Variants in WWOX observed in about 807,000 individuals in gnomAD.
WWOX encodes the protein WW domain containing oxidoreductase, also known as WW domain-containing oxidoreductase.
WWOX carries 69 observed loss-of-function variants against 46.2 expected under a neutral mutation model. That is an observed-to-expected ratio of 1.49 (90% CI 1.23 to 1.82). WWOX has a LOEUF of 1.82. Among genes scored for constraint, WWOX ranks in the 40% most tolerant of loss-of-function variants. The pLI, the probability that WWOX is intolerant of heterozygous loss-of-function variation, is 0.00. For synonymous variants in WWOX, 359 were observed against 202.6 expected, an observed-to-expected ratio of 1.77 and a Z score of -6.56; for missense variants, 919 against 542.6, an observed-to-expected ratio of 1.69 and a Z score of -6.89.
chr16:79,074,562 T>G (rs2048618655), intron 8 of WWOX, among the ~76,000 whole-genome samples: 1 of 151,824 alleles, frequency 6.6e-6, no homozygotes, highest in Non-Finnish European at 1.5e-5. Context: ...CACTCCTACT[T>G]GGAAATGGAG....
intron 8 of WWOX, among the ~76,000 whole-genome samples, chr16:79,160,897 A>G (rs906309427): frequency 6.6e-6 from 1 of 152,160 alleles, no homozygotes; most frequent in African/African-American, 2.4e-5. Context: ...ATATACATAT[A>G]CACATACAAT....
intron 8 of WWOX, among the ~76,000 whole-genome samples, chr16:79,196,968 T>A (rs2051252955): frequency 6.6e-6 from 1 of 152,172 alleles, no homozygotes; most frequent in Non-Finnish European, 1.5e-5. Flanking sequence ...AATGGGGTTA[T>A]TATCTACCTG....
chr16:79,133,297 G>A (rs2049918478), intron 8 of WWOX, among the ~76,000 whole-genome samples: 1 of 152,080 alleles, frequency 6.6e-6, no homozygotes, highest in Admixed American at 6.5e-5. Flanking sequence ...TTTCGTCAAT[G>A]AGACGCCACT....
Position 78,978,745 on chromosome 16 carries a change from G to A in WWOX, c.1057-232863G>A, listed in dbSNP as rs146286875. Among the ~76,000 whole-genome samples the A allele has an allele frequency of 2.4e-3, 372 of 152,230 alleles. 2 individuals are homozygous for A. Among genetic ancestry groups the A allele is most frequent in the African/African-American group, 8.0e-3 (332 of 41,538 alleles). ...CTACACACTTTTCAACCACCGAATC[G>A]CATGAGAACTCTCTCACTGGGACAA... On this transcript the variant is annotated intron_variant, in intron 8 of 8. Transcript: ENST00000566780.
intron 8 of WWOX, among the ~76,000 whole-genome samples, chr16:78,962,261 T>G (rs1359284851): frequency 6.8e-6 from 1 of 147,286 alleles, no homozygotes. Flanking sequence ...ATTAGCTGAA[T>G]TCTGTGCCAG....
At position 78,756,206 on chromosome 16, in the gene WWOX, G is replaced by A. The variant is rs530074796; in HGVS notation, c.1056+323454G>A. ...GCTAATAGGGATCTTTGACACATAC[G>A]CTTTTTCTCCCTTTCCAGCTGGCCC... On this transcript the variant is annotated intron_variant, in intron 8 of 8. Transcript: ENST00000566780. 4.6e-5 allele frequency among the ~76,000 whole-genome samples: 7 copies of A among 152,278 alleles called. No individual in the cohort carries two copies. In the South Asian group the frequency reaches 6.2e-4, roughly 14 times the overall value.
intron 5 of WWOX, among the ~76,000 whole-genome samples, chr16:78,261,566 G>T (rs2151837206): frequency 6.7e-6 from 1 of 149,494 alleles, no homozygotes; most frequent in East Asian, 2.0e-4. Context: ...ATGTATTTTT[G>T]CATATATACC....
intron 8 of WWOX, among the ~76,000 whole-genome samples, chr16:78,668,740 T>C (rs112248603): frequency 0.011 from 1,658 of 152,050 alleles, 18 homozygotes; most frequent in South Asian, 0.037. Flanking sequence ...ACCCTGGAAG[T>C]TGAGTGATGG....
At chr16:78,615,958 G>A (rs2046014255) in intron 8 of WWOX, among the ~76,000 whole-genome samples, 1 of 152,094 alleles carries the variant, frequency 6.6e-6, no homozygotes, top group South Asian at 2.1e-4. Context: ...CACTGTGTTA[G>A]CCAGGATGGT....
chr16:78,273,929 G>T (rs2079531075), intron 5 of WWOX, among the ~76,000 whole-genome samples: 1 of 152,164 alleles, frequency 6.6e-6, no homozygotes, highest in Admixed American at 6.5e-5. Context: ...TTTAGATCTG[G>T]CACTCAGGAG....
At chr16:78,859,532 G>C (rs1329066822) in intron 8 of WWOX, among the ~76,000 whole-genome samples, 1 of 152,094 alleles carries the variant, frequency 6.6e-6, no homozygotes, top group Non-Finnish European at 1.5e-5. Context: ...ATTCCAGAGG[G>C]CATGTTGCTG....
At chr16:78,264,272 G>A (rs925639693) in intron 5 of WWOX, among the ~76,000 whole-genome samples, 3 of 152,028 alleles carry the variant, frequency 2.0e-5, no homozygotes, top group African/African-American at 7.3e-5. Context: ...CACCACATCA[G>A]TGTGTTGGGA....
At chr16:78,569,293 A>G (rs1597282322) in intron 8 of WWOX, among the ~76,000 whole-genome samples, 3 of 152,210 alleles carry the variant, frequency 2.0e-5, no homozygotes, top group Non-Finnish European at 4.4e-5. Context: ...CATTGAATCA[A>G]GGCAGTTTTC....
chr16:79,208,857 C>T (rs1232846779), intron 8 of WWOX, among the ~76,000 whole-genome samples: 1 of 152,088 alleles, frequency 6.6e-6, no homozygotes, highest in African/African-American at 2.4e-5. Context: ...TCCAAGAGAC[C>T]AAAGGTGTGG....
chr16:79,176,815 C>G (rs1316961081), intron 8 of WWOX, among the ~76,000 whole-genome samples: 1 of 151,982 alleles, frequency 6.6e-6, no homozygotes, highest in Non-Finnish European at 1.5e-5. Flanking sequence ...CAAAAAGACC[C>G]CTGGAAAAGA....
At chr16:79,155,226 A>G (rs555915473) in intron 8 of WWOX, among the ~76,000 whole-genome samples, 122 of 152,250 alleles carry the variant, frequency 8.0e-4, no homozygotes, top group Admixed American at 1.6e-3. Flanking sequence ...AAATACAAAA[A>G]TTAGCTGGGC....
intron 8 of WWOX, among the ~76,000 whole-genome samples, chr16:78,682,712 A>G (rs184821887): frequency 1.0e-3 from 155 of 152,300 alleles, no homozygotes; most frequent in Non-Finnish European, 1.3e-3. Context: ...CAACCCTATT[A>G]AAAAATTAAA....
At chr16:78,631,669 G>C (rs2046435493) in intron 8 of WWOX, among the ~76,000 whole-genome samples, 1 of 151,618 alleles carries the variant, frequency 6.6e-6, no homozygotes, top group African/African-American at 2.4e-5. Flanking sequence ...CCTCCAAGTA[G>C]GGCTACACGT....
At chr16:78,174,806 G>A (rs973270608) in intron 5 of WWOX, among the ~76,000 whole-genome samples, 4 of 152,104 alleles carry the variant, frequency 2.6e-5, no homozygotes, top group Non-Finnish European at 4.4e-5. Flanking sequence ...TGGGCAATAC[G>A]GTGAAACCCC....
Sources: gnomAD v4.1 joint callset for allele counts (sites outside exome capture counted in the v4.1 genomes callset) on GRCh38, gnomAD v4.1.1 for gene constraint, MANE v1.5 for transcripts, NCBI Gene and HGNC (gene_info 2026-07-23, HGNC 2026-07-21) for gene names.